The following CFAP54 variants were observed in gnomAD, a reference collection of about 807,000 sequenced individuals.
The protein encoded by CFAP54 is cilia- and flagella-associated protein 54.
Under a neutral mutation model 370.4 loss-of-function variants are expected in CFAP54, and 290 were observed. The observed-to-expected ratio is 0.78, with a 90% confidence interval of 0.71 to 0.86. CFAP54 has a LOEUF of 0.86. CFAP54 is among the 40% of genes least tolerant of loss of function. CFAP54 has a pLI of 0.00. For synonymous variants in CFAP54, 1,206 were observed against 1,236.5 expected (o/e 0.98, Z 0.52); for missense variants, 3,399 against 3,528.7 (o/e 0.96, Z 0.93).
At chr12:96,781,757 T>C (rs2136690715) in intron 60 of CFAP54, among the ~76,000 whole-genome samples, 1 of 152,146 alleles carries the variant, frequency 6.6e-6, no homozygotes, top group East Asian at 1.9e-4. Context: ...CATTTTGAAG[T>C]GAAGAAGAGT....
intron 19 of CFAP54, among the ~76,000 whole-genome samples, chr12:96,565,417 TAG>T (rs1327192737): frequency 6.6e-6 from 1 of 151,998 alleles, no homozygotes; most frequent in Non-Finnish European, 1.5e-5. Flanking sequence ...TTTTTTTTGG[TAG>T]AGTCAGACCC....
chr12:96,499,872 A>G (rs1197567780), intron 1 of CFAP54, among the ~76,000 whole-genome samples: 1 of 152,014 alleles, frequency 6.6e-6, no homozygotes, highest in Non-Finnish European at 1.5e-5. Context: ...CTTGAACCCC[A>G]GAGGTGGAGG....
Position 96,650,016 on chromosome 12 carries a change from A to G in CFAP54, c.4816A>G (p.Asn1606Asp), listed in dbSNP as rs754263376. 1 of 1,613,802 alleles carries G rather than the reference A, an allele frequency of 6.2e-7. No individual in the cohort carries two copies. Among genetic ancestry groups the G allele is most frequent in the Non-Finnish European group, 8.5e-7 (1 of 1,179,886 alleles). Residue 1606 changes from asparagine to aspartate, a missense_variant, in exon 35 of 68, where the codon AAT becomes GAT. Physicochemically the swap from Asn to Asp is conservative, Grantham distance 23 (BLOSUM62 1). Coordinates refer to ENST00000524981, the MANE Select transcript of CFAP54 (RefSeq NM_001306084.2). Reference sequence around the variant, plus strand: ...TGCTAAAGAAAAGGACCGAGGAGCAAATTTGTGTGTAATGGATCATTTTAT... The same window carrying G: ...TGCTAAAGAAAAGGACCGAGGAGCAGATTTGTGTGTAATGGATCATTTTAT... ...SSAKEKDRGA[N>D]LCVMDHFMKI...
At chr12:96,736,210 T>C (rs1957978570) in intron 50 of CFAP54, among the ~76,000 whole-genome samples, 2 of 152,186 alleles carry the variant, frequency 1.3e-5, no homozygotes, top group Non-Finnish European at 2.9e-5. Context: ...TGGAATCACC[T>C]CGTTCCATCT....
rs769449054 is a variant in CFAP54 at position 96,650,079 on chromosome 12, C to T, written c.4872+7C>T. On this transcript the variant is annotated splice_region_variant and intron_variant, in intron 35 of 67. Transcript: ENST00000524981. Reference sequence around the variant, plus strand: ...ATACTGCAGGAGAGCAATGGTAATGCAATCTTTCTTGTTTGCAGTGTAGTA... The same window carrying T: ...ATACTGCAGGAGAGCAATGGTAATGTAATCTTTCTTGTTTGCAGTGTAGTA... The T allele has an allele frequency of 3.4e-5, 54 of 1,599,168 alleles. No homozygotes were observed. Among genetic ancestry groups the T allele is most frequent in the Non-Finnish European group, 4.5e-5 (53 of 1,174,218 alleles).
At chr12:96,728,694 G>T (rs561420260) in intron 50 of CFAP54, among the ~76,000 whole-genome samples, 12 of 152,260 alleles carry the variant, frequency 7.9e-5, no homozygotes, top group East Asian at 3.9e-4. Context: ...GTCATTCTCC[G>T]TCCAGCTTTG....
chr12:96,777,718 A>G (rs1321368323), intron 60 of CFAP54, among the ~76,000 whole-genome samples: 1 of 152,060 alleles, frequency 6.6e-6, no homozygotes, highest in Admixed American at 6.6e-5. Flanking sequence ...GGGCATGGCA[A>G]TGAAGAATGC....
At position 96,708,798 on chromosome 12, in the gene CFAP54, T is replaced by G. The variant is rs911850780; in HGVS notation, c.6719T>G (p.Leu2240Trp). 3.8e-5 allele frequency: 60 copies of G among 1,592,300 alleles called. No individual in the cohort carries two copies. The highest frequency in any genetic ancestry group is 5.0e-5 in the Non-Finnish European group (59 of 1,170,352). ...TNKSKPNLPN[L>W]EEIYSKDDGS... ...AAGAGCAAACCAAACCTACCAAACT[T>G]GGAAGGTAATTGTTTTATTTTTTGC... is the stretch of plus-strand genomic sequence containing the variant. The change falls in exon 48 of 68, where the codon TTG (leucine) becomes TGG (tryptophan). Residue 2240 changes from leucine (L) to tryptophan (W), a missense_variant. By Grantham distance (61) the Leu-to-Trp change is moderately conservative. Coordinates refer to ENST00000524981, the MANE Select transcript of CFAP54 (RefSeq NM_001306084.2).
intron 64 of CFAP54, among the ~76,000 whole-genome samples, chr12:96,814,890 C>T (rs1958960484): frequency 6.6e-6 from 1 of 152,116 alleles, no homozygotes; most frequent in Non-Finnish European, 1.5e-5. Context: ...TGAACTCACT[C>T]TTTTTTTATG....
chr12:96,556,338 A>G (rs1955751186), intron 17 of CFAP54, among the ~76,000 whole-genome samples: 1 of 152,062 alleles, frequency 6.6e-6, no homozygotes, highest in Admixed American at 6.6e-5. Flanking sequence ...AAAAATAAAA[A>G]TAAAACCCCA....
At chr12:96,519,319 G>A (rs1028193434) in intron 6 of CFAP54, among the ~76,000 whole-genome samples, 3 of 152,038 alleles carry the variant, frequency 2.0e-5, no homozygotes, top group East Asian at 3.9e-4. Flanking sequence ...GGCTGATTTC[G>A]AACTCCTGAC....
chr12:96,706,516 A>G (rs1307736397), intron 47 of CFAP54, among the ~76,000 whole-genome samples: 1 of 152,188 alleles, frequency 6.6e-6, no homozygotes, highest in Non-Finnish European at 1.5e-5. Flanking sequence ...AGCTCTGTGA[A>G]TGATGGGAGC....
At chr12:96,585,063 T>TC (rs1956064763) in intron 22 of CFAP54, among the ~76,000 whole-genome samples, 1 of 151,718 alleles carries the variant, frequency 6.6e-6, no homozygotes, top group Non-Finnish European at 1.5e-5. Context: ...CTTGAAATGA[T>TC]CTTACTCTGT....
At chr12:96,612,788 T>C (rs2136456472) in intron 26 of CFAP54, among the ~76,000 whole-genome samples, 3 of 152,292 alleles carry the variant, frequency 2.0e-5, no homozygotes, top group Middle Eastern at 6.8e-3. Flanking sequence ...CATTACATAA[T>C]GGTAAAGGGA....
intron 58 of CFAP54, among the ~76,000 whole-genome samples, chr12:96,762,042 C>A (rs1456762530): frequency 6.6e-6 from 1 of 152,058 alleles, no homozygotes; most frequent in South Asian, 2.1e-4. Flanking sequence ...ATTTTTGTTG[C>A]CATCTTAACA....
At chr12:96,854,004 A>AT (rs559739999) in intron 66 of CFAP54, among the ~76,000 whole-genome samples, 49 of 151,822 alleles carry the variant, frequency 3.2e-4, no homozygotes, top group African/African-American at 1.0e-3. Context: ...TAGCCACTTT[A>AT]TTTTTTTTAA....
intron 17 of CFAP54, among the ~76,000 whole-genome samples, chr12:96,561,704 TACACACACACACACACAC>T (rs56098924): frequency 0.014 from 1,716 of 125,368 alleles, 55 homozygotes; most frequent in African/African-American, 0.05. Flanking sequence ...AGCTAAGAAA[TACACACACACACACACAC>T]ACACACACAC....
intron 26 of CFAP54, among the ~76,000 whole-genome samples, chr12:96,608,793 A>G (rs1162317757): frequency 6.6e-6 from 1 of 152,250 alleles, no homozygotes; most frequent in South Asian, 2.1e-4. Flanking sequence ...GACAGGGAGG[A>G]AAAAATGAAC....
At chr12:96,657,859 T>G in intron 36 of CFAP54, 23 bp from the exon 37 acceptor site, 1 of 1,478,188 alleles carries the variant, frequency 6.8e-7, no homozygotes, top group Non-Finnish European at 9.2e-7. Flanking sequence ...TACACATTTT[T>G]TTTTTCACTG....
Sources: gnomAD v4.1 joint callset for allele counts (sites outside exome capture counted in the v4.1 genomes callset) on GRCh38, gnomAD v4.1.1 for gene constraint, MANE v1.5 for transcripts, NCBI Gene and HGNC (gene_info 2026-07-23, HGNC 2026-07-21) for gene names.